Variants in ADAM12 observed in about 807,000 individuals in gnomAD.
The protein encoded by ADAM12 is disintegrin and metalloproteinase domain-containing protein 12.
In ADAM12, 70 loss-of-function variants were observed where a neutral mutation model predicts 106.4. That is an observed-to-expected ratio of 0.66 (90% confidence interval 0.54 to 0.80). The LOEUF is 0.80. Ranked by LOEUF, ADAM12 falls within the 30% of genes least tolerant of loss-of-function variation. The pLI, the probability that ADAM12 is intolerant of heterozygous loss-of-function variation, is 0.00. For synonymous variants in ADAM12, 420 were observed against 433.5 expected (o/e 0.97, Z 0.39); for missense variants, 1,010 against 1,171.9 (o/e 0.86, Z 2.02).
At chr10:126,086,626 G>C (rs114892249) in intron 11 of ADAM12, among the ~76,000 whole-genome samples, 1 of 110,100 alleles carries the variant, frequency 9.1e-6, no homozygotes, top group African/African-American at 3.6e-5. Flanking sequence ...GCAGTGAGCC[G>C]AGATGGCCCC....
At chr10:126,303,974 C>A (rs1960733438) in intron 2 of ADAM12, among the ~76,000 whole-genome samples, 1 of 152,124 alleles carries the variant, frequency 6.6e-6, no homozygotes, top group Non-Finnish European at 1.5e-5. Context: ...CTTGATCAGA[C>A]CTCCTCCAGA....
intron 3 of ADAM12, among the ~76,000 whole-genome samples, chr10:126,207,017 T>G (rs1350241175): frequency 1.3e-5 from 2 of 152,214 alleles, no homozygotes; most frequent in African/African-American, 4.8e-5. Context: ...ATGTGAGATG[T>G]GCCTTTCACC....
chr10:126,225,626 G>A (rs1958179405), intron 3 of ADAM12, among the ~76,000 whole-genome samples: 1 of 152,192 alleles, frequency 6.6e-6, no homozygotes, highest in African/African-American at 2.4e-5. Context: ...CAAAATGAGG[G>A]CAAGAGGGGC....
intron 6 of ADAM12, among the ~76,000 whole-genome samples, chr10:126,111,437 A>T (rs1955866379): frequency 6.6e-6 from 1 of 152,232 alleles, no homozygotes; most frequent in African/African-American, 2.4e-5. Context: ...AAAGAGGCAG[A>T]ACCCTCTCTG....
At position 126,109,827 on chromosome 10, in the gene ADAM12, G is replaced by T. The variant is rs745904055; in HGVS notation, c.617C>A (p.Thr206Asn). The change falls in exon 7 of 23, where the codon ACC becomes AAC. Residue 206 changes from threonine (T) to asparagine (N), a missense_variant. By Grantham distance (65) the Thr-to-Asn change is moderately conservative. This residue lies in a region of ADAM12 where 391 missense variants were observed against 442.9 expected (regional missense o/e 0.88). Coordinates refer to ENST00000448723, the MANE Select transcript of ADAM12 (RefSeq NM_001288973.2). ...QTWARRHKRE[T>N]LKATKYVELV... ...CTCCACATACTTAGTTGCCTTGAGGGTCTCTCTTTTATGCTGCCAAGAGTA... is the reference window on the plus strand; with the variant it reads ...CTCCACATACTTAGTTGCCTTGAGGTTCTCTCTTTTATGCTGCCAAGAGTA... 2.3e-5 allele frequency: 37 copies of T among 1,612,426 alleles called. No individual in the cohort carries two copies. Among genetic ancestry groups the T allele is most frequent in the South Asian group, 4.4e-5 (4 of 90,910 alleles).
chr10:126,253,022 C>T (rs1001783924), intron 3 of ADAM12, among the ~76,000 whole-genome samples: 2 of 152,142 alleles, frequency 1.3e-5, no homozygotes, highest in Admixed American at 6.5e-5. Context: ...CCTGAAGTGA[C>T]GTTCTATTAT....
At chr10:126,178,779 G>T (rs1372979047) in intron 3 of ADAM12, among the ~76,000 whole-genome samples, 1 of 152,194 alleles carries the variant, frequency 6.6e-6, no homozygotes, top group Non-Finnish European at 1.5e-5. Flanking sequence ...GGGCGCAGTG[G>T]CTCACGCCTG....
intron 11 of ADAM12, 67 bp downstream of exon 11, chr10:126,093,918 A>C (rs1955509739): frequency 3.1e-6 from 5 of 1,587,600 alleles, no homozygotes; most frequent in Non-Finnish European, 4.3e-6. Flanking sequence ...ACTTTGACTC[A>C]TCTGGTTCCC....
intron 5 of ADAM12, among the ~76,000 whole-genome samples, chr10:126,135,024 TGTGA>T (rs1263161185): frequency 6.6e-6 from 1 of 152,250 alleles, no homozygotes; most frequent in Non-Finnish European, 1.5e-5. Context: ...GGAAGCGGGC[TGTGA>T]GTAACACCTG....
intron 1 of ADAM12, among the ~76,000 whole-genome samples, chr10:126,347,868 G>T (rs1000037995): frequency 2.0e-5 from 3 of 152,202 alleles, no homozygotes; most frequent in African/African-American, 7.2e-5. Flanking sequence ...TGCCCTGAGA[G>T]TGGAGGCTGG....
At chr10:126,365,501 A>G (rs1229364109) in intron 1 of ADAM12, among the ~76,000 whole-genome samples, 1 of 152,178 alleles carries the variant, frequency 6.6e-6, no homozygotes, top group African/African-American at 2.4e-5. Flanking sequence ...GGTAATTTAT[A>G]AAGAAAAGAG....
rs1957488604 is a variant in ADAM12, at chr10:126,190,989, C to CTTTTTTTTTTT, written c.261-35685_261-35684insAAAAAAAAAAA. Among the ~76,000 whole-genome samples the CTTTTTTTTTTT allele has an allele frequency of 3.5e-4, 24 of 68,730 alleles. 11 individuals carry two copies. The South Asian group carries it at 4.4e-3, about 13-fold the overall frequency. 45.1% of individuals were successfully genotyped at this position (68,730 alleles called of 152,430 possible). The stretch of plus-strand genomic sequence containing the variant: ...TTTGAGTTGCCATGAGGAGTTTTGT[C>CTTTTTTTTTTT]CTTTTTTTTTTTTTTTTTTTTTTTT... On this transcript the variant is annotated intron_variant, in intron 3 of 22. Coordinates refer to ENST00000448723, the MANE Select transcript of ADAM12 (RefSeq NM_001288973.2).
At chr10:126,324,968 G>A (rs1280181669) in intron 2 of ADAM12, among the ~76,000 whole-genome samples, 1 of 151,968 alleles carries the variant, frequency 6.6e-6, no homozygotes, top group South Asian at 2.1e-4. Context: ...AGCTCTCACT[G>A]CTATTTTCAC....
chr10:126,038,314 T>C lies in ADAM12; in HGVS notation c.2276A>G (p.Gln759Arg). The change falls in exon 20 of 23, where the codon CAA becomes CGA. Residue 759 changes from glutamine (Q) to arginine (R), a missense_variant. Gln to Arg is a conservative substitution (Grantham distance 43). Around this residue, in one of 3 missense-constraint regions of ADAM12, gnomAD observed 615 missense variants for 708.5 expected, o/e 0.87. Transcript: ENST00000448723. ...VRPSRPPRGF[Q>R]PCQAHLGHLG... ...GTGGCCGAGGTGAGCCTGACAGGGT[T>C]GGAAGCCACGGGGTGGCCGGGAAGG... 3 of 1,609,294 alleles carry C rather than the reference T, an allele frequency of 1.9e-6. No homozygotes were observed. The highest frequency in any genetic ancestry group is 2.5e-6 in the Non-Finnish European group (3 of 1,177,144).
chr10:126,299,920 A>C (rs1244925071), intron 2 of ADAM12, among the ~76,000 whole-genome samples: 5 of 152,220 alleles, frequency 3.3e-5, no homozygotes, highest in Non-Finnish European at 7.3e-5. Context: ...CTGGGATTAC[A>C]GGGGTGAGCC....
Position 126,012,585 on chromosome 10 carries a change from T to C in ADAM12, c.*4694A>G, listed in dbSNP as rs1953588874. 6.6e-6 allele frequency: 1 copy of C among 152,234 alleles called. No homozygotes were observed. Among genetic ancestry groups the C allele is most frequent in the South Asian group, 2.1e-4 (1 of 4,838 alleles). 9.4% of individuals were successfully genotyped at this position (152,234 alleles called of 1,614,324 possible). On this transcript the variant is annotated 3_prime_UTR_variant, in exon 23 of 23. Transcript: ENST00000448723. Reference sequence around the variant, plus strand: ...TGGATGAAGCACTATAAAATTACTTTGCTGTTTACGTAACTGTATCTTTAA... The same window carrying C: ...TGGATGAAGCACTATAAAATTACTTCGCTGTTTACGTAACTGTATCTTTAA...
rs779161673 is a variant in ADAM12, at chr10:126,028,214, T to C, written c.2529+7932A>G. ...CAAATGGAAAAGCATTCCATGCTTA[T>C]GGATAGAAAGAAGCAATATGAAAAT... On this transcript the variant is annotated intron_variant, in intron 21 of 22. Transcript: ENST00000448723. Among the ~76,000 whole-genome samples the C allele has an allele frequency of 2.6e-5, 4 of 152,242 alleles. No homozygotes were observed. The East Asian group carries it at 7.7e-4, about 29-fold the overall frequency.
In ADAM12 at chr10:126,042,307, C is replaced by A; in HGVS notation, c.2104+733G>T. The A allele has an allele frequency of 2.5e-6, 4 of 1,574,698 alleles. No homozygotes were observed. In the Admixed American group the frequency reaches 5.3e-5, roughly 21 times the overall value. On this transcript the variant is annotated intron_variant, in intron 18 of 22. Coordinates refer to ENST00000448723, the MANE Select transcript of ADAM12 (RefSeq NM_001288973.2). Reference sequence around the variant, plus strand: ...CAATAAGAACTCAGAGAAAACAGCACCGCACCAGTAAACCATTTCTAAAGG... The same window carrying A: ...CAATAAGAACTCAGAGAAAACAGCAACGCACCAGTAAACCATTTCTAAAGG...
intron 4 of ADAM12, among the ~76,000 whole-genome samples, chr10:126,135,968 A>G (rs1307493952): frequency 6.6e-6 from 1 of 152,238 alleles, no homozygotes; most frequent in Non-Finnish European, 1.5e-5. Flanking sequence ...AACAAATCAC[A>G]TTGACATCGC....
Sources: allele counts gnomAD v4.1 joint callset (sites outside exome capture counted in the v4.1 genomes callset), GRCh38; gene constraint gnomAD v4.1.1; regional missense constraint gnomAD v4.1.1; transcripts MANE v1.5; gene names NCBI Gene and HGNC (gene_info 2026-07-23, HGNC 2026-07-21).